Variants in CPN2 observed in about 807,000 individuals in gnomAD.
CPN2 encodes the protein carboxypeptidase N subunit 2.
For synonymous variants in CPN2, 336 were observed against 318.4 expected (o/e 1.06, Z -0.59); for missense variants, 620 against 671.4 (o/e 0.92, Z 0.85).
rs528674199 is a variant in CPN2 at position 194,343,580 on chromosome 3, G to T, written c.-3-875C>A. ...TTAGAGGGTGTGTGCCCTCCAGGCC[G>T]CCACTGTTCCCATGCAGAGCACTTA... On this transcript the variant is annotated intron_variant, in intron 1 of 1. Coordinates refer to ENST00000323830, the MANE Select transcript of CPN2 (RefSeq NM_001080513.4). 2.6e-5 allele frequency among the ~76,000 whole-genome samples: 4 copies of T among 152,320 alleles called. No individual in the cohort carries two copies. The East Asian group carries it at 7.7e-4, about 29-fold the overall frequency.
intron 1 of CPN2, among the ~76,000 whole-genome samples, chr3:194,349,375 T>C (rs1391515529): frequency 6.6e-6 from 1 of 152,180 alleles, no homozygotes; most frequent in Non-Finnish European, 1.5e-5. Context: ...AGAAAAAAAT[T>C]TGTAGTCATT....
At chr3:194,347,664 ATCCG>A in intron 1 of CPN2, among the ~76,000 whole-genome samples, 1 of 82,756 alleles carries the variant, frequency 1.2e-5, no homozygotes, top group African/African-American at 5.6e-5. Context: ...AGCCCACCCC[ATCCG>A]CTGCCCAGTT....
Position 194,341,577 on chromosome 3 carries a change from G to C in CPN2, c.1126C>G (p.Leu376Val), listed in dbSNP as rs1712824352. The change falls in exon 2 of 2, where the codon CTT becomes GTT. Residue 376 changes from leucine (L) to valine (V), a missense_variant. By Grantham distance (32) the Leu-to-Val change is conservative (BLOSUM62 1). Coordinates refer to ENST00000323830, the MANE Select transcript of CPN2 (RefSeq NM_001080513.4). ...LSLSKNQLTT[L>V]PEGIFDTNYN... ...TTGGTGTCGAAGATGCCCTCCGGAAGTGTGGTCAGCTGGTTCTTGGAGAGG... is the reference window on the plus strand; with the variant it reads ...TTGGTGTCGAAGATGCCCTCCGGAACTGTGGTCAGCTGGTTCTTGGAGAGG... 8.1e-6 allele frequency: 13 copies of C among 1,614,222 alleles called. No individual in the cohort carries two copies. Among genetic ancestry groups the C allele is most frequent in the Non-Finnish European group, 1.1e-5 (13 of 1,180,048 alleles).
At position 194,341,329 on chromosome 3, in the gene CPN2, C is replaced by A; in HGVS notation, c.1374G>T (p.Trp458Cys). 6.2e-7 allele frequency: 1 copy of A among 1,613,870 alleles called. No individual in the cohort carries two copies. The highest frequency in any genetic ancestry group is 8.5e-7 in the Non-Finnish European group (1 of 1,180,038). The part of the protein sequence containing the change: ...TRDHLGFQVT[W>C]PDESKAGGSW... ...TGCCCCCTGCCTTGCTTTCGTCCGGCCACGTGACCTGGAAGCCCAAGTGGT... is the reference window on the plus strand; with the variant it reads ...TGCCCCCTGCCTTGCTTTCGTCCGGACACGTGACCTGGAAGCCCAAGTGGT... The change falls in exon 2 of 2, where the codon TGG (tryptophan) becomes TGT (cysteine). Residue 458 changes from tryptophan to cysteine, a missense_variant. Trp to Cys is a radical substitution (Grantham distance 215, BLOSUM62 -2). Coordinates refer to ENST00000323830, the MANE Select transcript of CPN2 (RefSeq NM_001080513.4).
intron 1 of CPN2, among the ~76,000 whole-genome samples, chr3:194,347,788 C>T (rs1713105659): frequency 8.7e-6 from 1 of 115,240 alleles, no homozygotes; most frequent in Non-Finnish European, 1.7e-5. Flanking sequence ...CAGTTCAGCC[C>T]ACCCCATCCG....
intron 1 of CPN2, among the ~76,000 whole-genome samples, chr3:194,343,296 C>T (rs193216124): frequency 1.3e-5 from 2 of 152,280 alleles, no homozygotes; most frequent in African/African-American, 4.8e-5. Context: ...CTCTAAAATT[C>T]TTTAGATTTT....
rs892669377 is a variant in CPN2 at position 194,342,469 on chromosome 3, C to G, written c.234G>C (p.Val78=). 1 of 1,614,244 alleles carries G rather than the reference C, an allele frequency of 6.2e-7. No individual in the cohort carries two copies. Among genetic ancestry groups the G allele is most frequent in the Non-Finnish European group, 8.5e-7 (1 of 1,180,040 alleles). Residue 78 remains valine, a synonymous_variant, in exon 2 of 2, where the codon GTG becomes GTC. Transcript: ENST00000323830. ...AFGSNPNLTK[V]VFLNTQLCQF... is the part of the protein sequence containing the mutation. ...GGCAGAGCTGAGTGTTGAGGAAGAC[C>G]ACCTTGGTCAAGTTGGGGTTACTGC...
Position 194,340,850 on chromosome 3 carries a change from T to G in CPN2, c.*215A>C. 1 of 687,726 alleles carries G rather than the reference T, an allele frequency of 1.5e-6. No homozygotes were observed. The highest frequency in any genetic ancestry group is 2.3e-6 in the Non-Finnish European group (1 of 439,300). 42.6% of individuals were successfully genotyped at this position (687,726 alleles called of 1,614,324 possible). On this transcript the variant is annotated 3_prime_UTR_variant, in exon 2 of 2. Transcript: ENST00000323830. The stretch of plus-strand genomic sequence containing the variant: ...TTTGCAAGGCATAAGGATGGCCTTG[T>G]TAGGCCGCACACTCCAGGAGAAGCG...
intron 1 of CPN2, among the ~76,000 whole-genome samples, chr3:194,350,063 A>G (rs1713210456): frequency 6.6e-6 from 1 of 151,960 alleles, no homozygotes; most frequent in African/African-American, 2.4e-5. Context: ...CGGCCTCCCA[A>G]AGTGCTGGGA....
At chr3:194,344,620 G>A (rs1270529458) in intron 1 of CPN2, among the ~76,000 whole-genome samples, 2 of 152,166 alleles carry the variant, frequency 1.3e-5, no homozygotes, top group South Asian at 4.1e-4. Flanking sequence ...GCTTGAACCC[G>A]GGTGGCAGAG....
rs1477730629 is a variant in CPN2 at position 194,340,768 on chromosome 3, G to A, written c.*297C>T. On this transcript the variant is annotated 3_prime_UTR_variant, in exon 2 of 2. Transcript: ENST00000323830. The stretch of plus-strand genomic sequence containing the variant: ...GCGGTTGGGTGTTACATAATGGGGA[G>A]GCATCAGGGCTGAGGATATTTTATT... 2.2e-5 allele frequency: 8 copies of A among 366,502 alleles called. No homozygotes were observed. Among genetic ancestry groups the A allele is most frequent in the Non-Finnish European group, 3.4e-5 (7 of 202,946 alleles). The allele number at this position is 366,502 out of a possible 1,614,324, so 22.7% of individuals were successfully genotyped here. A position where few individuals can be genotyped will look rare whatever the true frequency, so the allele number is the denominator to read the frequency against.
chr3:194,341,708 A>G lies in CPN2; in HGVS notation c.995T>C (p.Ile332Thr). 6.2e-7 allele frequency: 1 copy of G among 1,614,108 alleles called. No homozygotes were observed. Among genetic ancestry groups the G allele is most frequent in the Non-Finnish European group, 8.5e-7 (1 of 1,180,020 alleles). The part of the protein sequence containing the change: ...YNAITHLPAG[I>T]FRDLEELVKL... ...GACCAACTCCTCCAGGTCTCTGAAG[A>G]TGCCAGCTGGGAGGTGGGTAATGGC... The change falls in exon 2 of 2, where the codon ATC (isoleucine) becomes ACC (threonine). Residue 332 changes from isoleucine (I) to threonine (T), a missense_variant. Transcript: ENST00000323830.
intron 1 of CPN2, among the ~76,000 whole-genome samples, chr3:194,350,729 G>A (rs929232409): frequency 7.2e-5 from 11 of 152,166 alleles, no homozygotes; most frequent in Admixed American, 5.9e-4. Context: ...TGTGGCATGC[G>A]CTTGTAATCC....
intron 1 of CPN2, among the ~76,000 whole-genome samples, chr3:194,346,611 T>C (rs1040170093): frequency 2.0e-5 from 3 of 152,228 alleles, no homozygotes; most frequent in Admixed American, 2.0e-4. Flanking sequence ...TTTGACTGCA[T>C]TGCTTAACCT....
intron 1 of CPN2, among the ~76,000 whole-genome samples, chr3:194,347,792 C>T: frequency 9.1e-6 from 1 of 109,432 alleles, no homozygotes; most frequent in Non-Finnish European, 1.8e-5. Context: ...TCAGCCCACC[C>T]CATCCGCTGC....
chr3:194,344,953 C>T (rs1258106862), intron 1 of CPN2, among the ~76,000 whole-genome samples: 1 of 152,158 alleles, frequency 6.6e-6, no homozygotes, highest in Non-Finnish European at 1.5e-5. Context: ...CACACACACA[C>T]AGCTGCCACT....
chr3:194,349,750 C>T (rs62288101), intron 1 of CPN2, among the ~76,000 whole-genome samples: 1 of 145,886 alleles, frequency 6.9e-6, no homozygotes, highest in Non-Finnish European at 1.5e-5. Context: ...TCACACTTCC[C>T]CCATGAAGCC....
At chr3:194,343,412 C>T (rs2108647775) in intron 1 of CPN2, among the ~76,000 whole-genome samples, 1 of 152,318 alleles carries the variant, frequency 6.6e-6, no homozygotes, top group South Asian at 2.1e-4. Flanking sequence ...TTCTCAGTGA[C>T]ATTGTTCATA....
chr3:194,343,899 CAAAAAATA>C (rs1264032641), intron 1 of CPN2, among the ~76,000 whole-genome samples: 1 of 151,540 alleles, frequency 6.6e-6, no homozygotes, highest in Admixed American at 6.6e-5. Flanking sequence ...ATTTGAACAC[CAAAAAATA>C]AAAAAATAAA....
Sources: gnomAD v4.1 joint callset for allele counts (sites outside exome capture counted in the v4.1 genomes callset) on GRCh38, gnomAD v4.1.1 for gene constraint, MANE v1.5 for transcripts, NCBI Gene and HGNC (gene_info 2026-07-23, HGNC 2026-07-21) for gene names.